Variants in TIAM1 observed in about 807,000 individuals in gnomAD.
The protein encoded by TIAM1 is rho guanine nucleotide exchange factor TIAM1.
A neutral mutation model predicts 163.5 loss-of-function variants in TIAM1; 65 were observed. The ratio of observed to expected loss-of-function variants is 0.40; its 90% CI spans 0.33 to 0.49. TIAM1 has a LOEUF of 0.49. Among genes scored for constraint, TIAM1 ranks in the 20% least tolerant of loss-of-function variants. TIAM1 has a pLI of 0.77. For missense variants in TIAM1, 1,789 were observed against 2,044.7 expected (o/e 0.87, Z 2.41); for synonymous variants, 833 against 810.1 (o/e 1.03, Z -0.48).
intron 2 of TIAM1, among the ~76,000 whole-genome samples, chr21:31,452,244 C>A (rs1013133082): frequency 3.3e-5 from 5 of 152,152 alleles, no homozygotes; most frequent in Non-Finnish European, 7.3e-5. Context: ...TCAAGACCAG[C>A]CGAGCCAACA....
chr21:31,159,954 G>A (rs1372704491), intron 16 of TIAM1, among the ~76,000 whole-genome samples: 1 of 152,084 alleles, frequency 6.6e-6, no homozygotes, highest in African/African-American at 2.4e-5. Flanking sequence ...TCCTTCTCAA[G>A]GAAGCAGAAA....
chr21:31,125,108 T>C (rs2082144074), intron 26 of TIAM1, among the ~76,000 whole-genome samples: 1 of 152,056 alleles, frequency 6.6e-6, no homozygotes, highest in African/African-American at 2.4e-5. Context: ...TAATGTCCTC[T>C]AGAGCTGAGC....
At chr21:31,225,136 C>T (rs974691012) in intron 7 of TIAM1, among the ~76,000 whole-genome samples, 5 of 151,994 alleles carry the variant, frequency 3.3e-5, no homozygotes, top group African/African-American at 1.2e-4. Context: ...CCTCTCCTCT[C>T]GGCCTCCTGA....
chr21:31,533,979 A>G (rs530854039), intron 1 of TIAM1, among the ~76,000 whole-genome samples: 1 of 152,260 alleles, frequency 6.6e-6, no homozygotes, highest in South Asian at 2.1e-4. Flanking sequence ...CAATTACAGG[A>G]TGTGCTTAGC....
intron 2 of TIAM1, among the ~76,000 whole-genome samples, chr21:31,393,685 T>C (rs2077005506): frequency 6.6e-6 from 1 of 152,174 alleles, no homozygotes. Context: ...TAAATAGCCA[T>C]TTTCTAAAGC....
At chr21:31,143,297 T>C (rs1303166464) in intron 20 of TIAM1, among the ~76,000 whole-genome samples, 2 of 152,064 alleles carry the variant, frequency 1.3e-5, no homozygotes, top group Non-Finnish European at 2.9e-5. Context: ...TGAATATTCA[T>C]CTGGATGACT....
At chr21:31,528,214 T>C (rs887927751) in intron 1 of TIAM1, among the ~76,000 whole-genome samples, 4 of 152,134 alleles carry the variant, frequency 2.6e-5, no homozygotes, top group Non-Finnish European at 4.4e-5. Context: ...ATGTGACCTC[T>C]ATTTAAAATA....
At chr21:31,397,655 G>C (rs1365200714) in intron 2 of TIAM1, among the ~76,000 whole-genome samples, 4 of 152,152 alleles carry the variant, frequency 2.6e-5, no homozygotes, top group African/African-American at 9.7e-5. Flanking sequence ...TTCCTGGCTT[G>C]GTGCCAACAC....
chr21:31,367,103 C>T (rs1271039988), intron 2 of TIAM1, among the ~76,000 whole-genome samples: 1 of 148,022 alleles, frequency 6.8e-6, no homozygotes, highest in Non-Finnish European at 1.5e-5. Context: ...GCCAGGCAGG[C>T]AGGTAAGCAG....
At chr21:31,156,553 A>G (rs1283771000) in intron 16 of TIAM1, among the ~76,000 whole-genome samples, 2 of 152,246 alleles carry the variant, frequency 1.3e-5, no homozygotes, top group East Asian at 3.8e-4. Flanking sequence ...TTAGTTAGCT[A>G]GAATTTCACT....
At chr21:31,337,081 G>A (rs918385711) in intron 2 of TIAM1, among the ~76,000 whole-genome samples, 5 of 152,146 alleles carry the variant, frequency 3.3e-5, no homozygotes, top group African/African-American at 1.2e-4. Flanking sequence ...TTCAAATCCT[G>A]GTACCTCACT....
chr21:31,539,764 G>A (rs1779472060), intron 1 of TIAM1, among the ~76,000 whole-genome samples: 1 of 152,206 alleles, frequency 6.6e-6, no homozygotes, highest in Admixed American at 6.5e-5. Context: ...AGCAGTTGAT[G>A]AGAGTGGATT....
intron 4 of TIAM1, among the ~76,000 whole-genome samples, chr21:31,252,763 C>T (rs915513912): frequency 2.6e-5 from 4 of 152,204 alleles, no homozygotes; most frequent in African/African-American, 9.7e-5. Context: ...AGCACGGCTC[C>T]GTGTTCCAGG....
rs921375764 is a variant in TIAM1 at position 31,119,540 on chromosome 21, A to T, written c.*828T>A. 2.0e-5 allele frequency: 3 copies of T among 152,600 alleles called. No homozygotes were observed. Among genetic ancestry groups the T allele is most frequent in the Admixed American group, 1.3e-4 (2 of 15,282 alleles). 9.5% of individuals were successfully genotyped at this position (152,600 alleles called of 1,614,324 possible). On this transcript the variant is annotated 3_prime_UTR_variant, in exon 28 of 28. Transcript: ENST00000541036. ...ATGAGCTTGCTGGCCTTTCATATATAAATATAAAACCACCACGCCTCACTC... is the reference window on the plus strand; with the variant it reads ...ATGAGCTTGCTGGCCTTTCATATATTAATATAAAACCACCACGCCTCACTC...
At chr21:31,336,402 A>G (rs367703240) in intron 2 of TIAM1, among the ~76,000 whole-genome samples, 1 of 151,608 alleles carries the variant, frequency 6.6e-6, no homozygotes, top group Non-Finnish European at 1.5e-5. Context: ...CATCCATTCT[A>G]TGACTCAACT....
In TIAM1 at chr21:31,193,980, T is replaced by G. The variant is rs1281376445; in HGVS notation, c.2575+1244A>C. On this transcript the variant is annotated intron_variant, in intron 13 of 27. Transcript: ENST00000541036. ...AGCTTCCATGCGTGCTGTGTAGACC[T>G]CACACCTGGTCCAAACAATCTGTGG... 2.6e-5 allele frequency among the ~76,000 whole-genome samples: 4 copies of G among 152,140 alleles called. No individual in the cohort carries two copies. The East Asian group carries it at 7.7e-4, about 29-fold the overall frequency.
intron 12 of TIAM1, among the ~76,000 whole-genome samples, chr21:31,198,390 C>A (rs901580506): frequency 6.6e-6 from 1 of 152,172 alleles, no homozygotes; most frequent in African/African-American, 2.4e-5. Flanking sequence ...CAATTTAATG[C>A]AATTTCCACC....
chr21:31,145,388 G>C (rs950465834), intron 20 of TIAM1, among the ~76,000 whole-genome samples: 1 of 152,244 alleles, frequency 6.6e-6, no homozygotes, highest in Non-Finnish European at 1.5e-5. Flanking sequence ...CCGGGGACCT[G>C]ATCAGCAGCT....
intron 2 of TIAM1, among the ~76,000 whole-genome samples, chr21:31,286,368 A>T (rs188851854): frequency 1.3e-4 from 20 of 152,148 alleles, no homozygotes; most frequent in African/African-American, 4.6e-4. Context: ...GTTCGAGACC[A>T]GTCTGGGCAA....
Sources: allele counts gnomAD v4.1 joint callset (sites outside exome capture counted in the v4.1 genomes callset), GRCh38; gene constraint gnomAD v4.1.1; transcripts MANE v1.5; gene names NCBI Gene and HGNC (gene_info 2026-07-23, HGNC 2026-07-21).